CNTN5: variants seen among roughly 807,000 people sequenced by gnomAD.
CNTN5 encodes contactin 5.
CNTN5 carries 77 observed loss-of-function variants against 129.1 expected under a neutral mutation model. That is an observed-to-expected ratio of 0.60 (90% CI 0.50 to 0.72). The LOEUF (loss-of-function observed/expected upper bound fraction) is 0.72. CNTN5 is among the 30% of genes least tolerant of loss of function. CNTN5 has a pLI of 0.00. For synonymous variants in CNTN5, 509 were observed against 465.6 expected (o/e 1.09, Z -1.20); for missense variants, 1,478 against 1,328.8 (o/e 1.11, Z -1.75).
At chr11:99,134,833 A>G (rs1482722527) in intron 1 of CNTN5, among the ~76,000 whole-genome samples, 1 of 152,208 alleles carries the variant, frequency 6.6e-6, no homozygotes, top group Non-Finnish European at 1.5e-5. Context: ...TTCTAATGAC[A>G]TGTGAATGAT....
At chr11:99,317,173 CAT>C (rs569432288) in intron 1 of CNTN5, among the ~76,000 whole-genome samples, 203 of 152,178 alleles carry the variant, frequency 1.3e-3, no homozygotes, top group African/African-American at 4.5e-3. Flanking sequence ...ACAGAAGACA[CAT>C]GTGGTAAATG....
At chr11:99,997,468 C>A (rs1002583564) in intron 8 of CNTN5, among the ~76,000 whole-genome samples, 6 of 152,160 alleles carry the variant, frequency 3.9e-5, no homozygotes, top group African/African-American at 1.4e-4. Flanking sequence ...GAAGTTGAAT[C>A]TCTGAATAGA....
chr11:99,086,851 A>C (rs764629112), intron 1 of CNTN5, among the ~76,000 whole-genome samples: 2 of 152,210 alleles, frequency 1.3e-5, no homozygotes, highest in Non-Finnish European at 2.9e-5. Flanking sequence ...CAAAGGCTCT[A>C]TAAAATGTTT....
At chr11:99,461,977 C>A (rs189533893) in intron 2 of CNTN5, among the ~76,000 whole-genome samples, 1 of 152,202 alleles carries the variant, frequency 6.6e-6, no homozygotes, top group East Asian at 1.9e-4. Flanking sequence ...TCTATTTATG[C>A]TATTCAATAC....
At chr11:99,059,475 A>G (rs1864782530) in intron 1 of CNTN5, among the ~76,000 whole-genome samples, 1 of 152,100 alleles carries the variant, frequency 6.6e-6, no homozygotes, top group Non-Finnish European at 1.5e-5. Context: ...ATGCACACAG[A>G]ATATGGCAAA....
chr11:99,273,620 G>T (rs576973402), intron 1 of CNTN5, among the ~76,000 whole-genome samples: 2 of 151,606 alleles, frequency 1.3e-5, no homozygotes, highest in South Asian at 4.2e-4. Context: ...TATCTCGGCT[G>T]GTTTGAAAAT....
Position 99,167,714 on chromosome 11 carries a change from A to G in CNTN5, c.-210+146444A>G, listed in dbSNP as rs906718286. Among the ~76,000 whole-genome samples, 3 of 152,200 alleles carry G rather than the reference A, an allele frequency of 2.0e-5. No individual in the cohort carries two copies. In the East Asian group the frequency reaches 5.8e-4, roughly 29 times the overall value. On this transcript the variant is annotated intron_variant, in intron 1 of 24. Transcript: ENST00000524871. ...AAGAACTTATGAATTTATTCATTCT[A>G]TAATTAATATAAGGTAAATGAACAC...
At chr11:99,268,607 G>A (rs1408576155) in intron 1 of CNTN5, among the ~76,000 whole-genome samples, 1 of 151,906 alleles carries the variant, frequency 6.6e-6, no homozygotes, top group African/African-American at 2.4e-5. Context: ...TCTTTAATGT[G>A]CAAGCCAAAA....
At chr11:99,390,185 A>T (rs772865849) in intron 2 of CNTN5, among the ~76,000 whole-genome samples, 1 of 151,784 alleles carries the variant, frequency 6.6e-6, no homozygotes, top group Non-Finnish European at 1.5e-5. Flanking sequence ...TGGCACAATC[A>T]TAGCTTACTG....
At chr11:100,204,343 T>TATATATAA (rs1201876860) in intron 15 of CNTN5, among the ~76,000 whole-genome samples, 5 of 111,428 alleles carry the variant, frequency 4.5e-5, no homozygotes, top group African/African-American at 7.5e-5. Flanking sequence ...TATATATATA[T>TATATATAA]AATTATAGGC....
At chr11:100,252,901 T>C (rs759642759) in intron 16 of CNTN5, among the ~76,000 whole-genome samples, 2 of 152,160 alleles carry the variant, frequency 1.3e-5, no homozygotes, top group African/African-American at 2.4e-5. Context: ...ATGCAAAGCT[T>C]AACCTCAACT....
chr11:99,786,915 A>G (rs983159777), intron 3 of CNTN5, among the ~76,000 whole-genome samples: 15 of 152,172 alleles, frequency 9.9e-5, no homozygotes, highest in Middle Eastern at 3.2e-3. Context: ...AATGCCAAAA[A>G]AGTTAAGAGA....
chr11:99,234,280 C>T (rs1337755132), intron 1 of CNTN5, among the ~76,000 whole-genome samples: 1 of 151,788 alleles, frequency 6.6e-6, no homozygotes, highest in Non-Finnish European at 1.5e-5. Context: ...GGGATGAAGA[C>T]AATGGGAAGA....
chr11:99,985,246 C>G (rs190082505), intron 8 of CNTN5, among the ~76,000 whole-genome samples: 1 of 152,228 alleles, frequency 6.6e-6, no homozygotes, highest in African/African-American at 2.4e-5. Context: ...TAAGGTCACA[C>G]AGACACTTGA....
intron 3 of CNTN5, among the ~76,000 whole-genome samples, chr11:99,782,949 A>T (rs1945367429): frequency 2.0e-5 from 3 of 151,790 alleles, no homozygotes; most frequent in Admixed American, 1.3e-4. Context: ...CACCAAAAGC[A>T]ATGGCAACAA....
At chr11:100,091,382 T>C (rs1944775314) in intron 13 of CNTN5, among the ~76,000 whole-genome samples, 1 of 151,444 alleles carries the variant, frequency 6.6e-6, no homozygotes, top group Non-Finnish European at 1.5e-5. Flanking sequence ...AAATCACTCA[T>C]CACACTCTGC....
intron 13 of CNTN5, among the ~76,000 whole-genome samples, chr11:100,127,445 C>T (rs923638523): frequency 5.9e-5 from 9 of 151,830 alleles, no homozygotes; most frequent in Admixed American, 4.6e-4. Context: ...TAATGTTGTC[C>T]CCTTACAGGA....
intron 3 of CNTN5, among the ~76,000 whole-genome samples, chr11:99,772,011 G>T (rs1021826014): frequency 6.6e-6 from 1 of 151,202 alleles, no homozygotes; most frequent in East Asian, 1.9e-4. Flanking sequence ...GGCACTGAGG[G>T]AGTCTATAAA....
chr11:99,590,050 G>C (rs1453254740), intron 3 of CNTN5, among the ~76,000 whole-genome samples: 1 of 152,040 alleles, frequency 6.6e-6, no homozygotes, highest in Non-Finnish European at 1.5e-5. Context: ...ATGAACTTCA[G>C]GTATAGAGGA....
Sources: allele counts gnomAD v4.1 joint callset (sites outside exome capture counted in the v4.1 genomes callset), GRCh38; gene constraint gnomAD v4.1.1; transcripts MANE v1.5; gene names NCBI Gene and HGNC (gene_info 2026-07-23, HGNC 2026-07-21).